The following CORO2B variants were observed in gnomAD, a reference collection of about 807,000 sequenced individuals.
CORO2B encodes the protein coronin-2B.
A neutral mutation model predicts 58.8 loss-of-function variants in CORO2B; 26 were observed. The ratio of observed to expected loss-of-function variants is 0.44; its 90% confidence interval spans 0.32 to 0.61. CORO2B has a LOEUF of 0.61. Among genes scored for constraint, CORO2B ranks in the 20% least tolerant of loss-of-function variants. The probability of loss-of-function intolerance (pLI) is 0.04; values close to 1 mark genes in which losing one functional copy is unlikely to be tolerated. For missense variants in CORO2B, 460 were observed against 645.1 expected (o/e 0.71, Z 3.11); for synonymous variants, 242 against 253.8 (o/e 0.95, Z 0.44).
chr15:68,608,152 T>G (rs1045111962), intron 1 of CORO2B, among the ~76,000 whole-genome samples: 1 of 152,248 alleles, frequency 6.6e-6, no homozygotes, highest in African/African-American at 2.4e-5. Flanking sequence ...TTTCCTTCCC[T>G]TGCACTTAGG....
rs374520985 is a variant in CORO2B at position 68,710,712 on chromosome 15, A to G, written c.334-20A>G. 1 of 1,576,890 alleles carries G rather than the reference A, an allele frequency of 6.3e-7. No individual in the cohort carries two copies. Among genetic ancestry groups the G allele is most frequent in the East Asian group, 2.3e-5 (1 of 43,788 alleles). ...TCTTGGCCGTGTCCACCCAGCCTGG[A>G]CCCTCATCTCCCTCTGCAGGTGCGG... On this transcript the variant is annotated intron_variant, in intron 3 of 11. Coordinates refer to ENST00000261861, the MANE Select transcript of CORO2B (RefSeq NM_006091.5). The surrounding 1 kb of genome is among the most constrained non-coding windows in gnomAD (Gnocchi z 4.1).
chr15:68,558,425 T>G, the CORO2B span, among the ~76,000 whole-genome samples: 2 of 151,990 alleles, frequency 1.3e-5, no homozygotes, highest in Admixed American at 1.3e-4. Flanking sequence ...TGGAGTGCAG[T>G]GGCACAATCA....
chr15:68,547,773 C>T, the CORO2B span, among the ~76,000 whole-genome samples: 54 of 152,224 alleles, frequency 3.5e-4, no homozygotes, highest in Non-Finnish European at 5.6e-4. Flanking sequence ...TTAAAAATTA[C>T]TTTACATACA....
At chr15:68,708,203 TGG>T (rs1892826671) in intron 3 of CORO2B, among the ~76,000 whole-genome samples, 1 of 152,024 alleles carries the variant, frequency 6.6e-6, no homozygotes, top group Non-Finnish European at 1.5e-5. Context: ...GCTGGCTCTG[TGG>T]GGGGAACACA....
At chr15:68,633,574 A>C (rs1900928244) in intron 1 of CORO2B, among the ~76,000 whole-genome samples, 1 of 151,068 alleles carries the variant, frequency 6.6e-6, no homozygotes, top group Non-Finnish European at 1.5e-5. Context: ...CACAGGGTGG[A>C]CAGTGCAAAG....
chr15:68,545,617 G>A, the CORO2B span, among the ~76,000 whole-genome samples: 6 of 151,414 alleles, frequency 4.0e-5, no homozygotes, highest in African/African-American at 1.2e-4. Context: ...GGGGGCGGGG[G>A]GGGTAATACT....
At chr15:68,637,571 A>G (rs1320315220) in intron 1 of CORO2B, among the ~76,000 whole-genome samples, 3 of 152,180 alleles carry the variant, frequency 2.0e-5, no homozygotes, top group Non-Finnish European at 2.9e-5. Flanking sequence ...AGAAGAGGAC[A>G]CTGAGCCTGG....
At chr15:68,644,833 C>T (rs1291201168) in intron 1 of CORO2B, among the ~76,000 whole-genome samples, 3 of 152,190 alleles carry the variant, frequency 2.0e-5, no homozygotes, top group Admixed American at 1.3e-4. Flanking sequence ...TCTTGCTTCG[C>T]TCTATCACAT....
At chr15:68,641,624 G>A (rs973598630) in intron 1 of CORO2B, 2 of 984,158 alleles carry the variant, frequency 2.0e-6, no homozygotes, top group South Asian at 4.7e-5. Flanking sequence ...GCTCAGGAGA[G>A]CCTATCAGGT....
intron 3 of CORO2B, among the ~76,000 whole-genome samples, chr15:68,697,411 C>T (rs894364244): frequency 6.6e-6 from 1 of 152,186 alleles, no homozygotes; most frequent in Admixed American, 6.5e-5. Context: ...TATAGTCCAT[C>T]TAATCAGTTA....
At chr15:68,566,560 A>T in the CORO2B span, among the ~76,000 whole-genome samples, 1 of 151,658 alleles carries the variant, frequency 6.6e-6, no homozygotes, top group Non-Finnish European at 1.5e-5. Flanking sequence ...TACCCGGCGG[A>T]CTCTTCATGG....
chr15:68,568,019 A>G, the CORO2B span, among the ~76,000 whole-genome samples: 5 of 152,154 alleles, frequency 3.3e-5, no homozygotes, highest in Non-Finnish European at 5.9e-5. Context: ...AGTCCATCTC[A>G]AAAAGAAAAG....
Position 68,710,722 on chromosome 15 carries a change from C to T in CORO2B, c.334-10C>T. On this transcript the variant is annotated splice_polypyrimidine_tract_variant and intron_variant, in intron 3 of 11. Transcript: ENST00000261861. This position sits in a 1 kb window ranked among gnomAD's most constrained non-coding sequence, Gnocchi z 4.1. ...GTCCACCCAGCCTGGACCCTCATCT[C>T]CCTCTGCAGGTGCGGATCTGGGAGA... The T allele has an allele frequency of 6.3e-7, 1 of 1,593,398 alleles. No homozygotes were observed. The highest frequency in any genetic ancestry group is 8.6e-7 in the Non-Finnish European group (1 of 1,168,610).
chr15:68,702,704 G>A (rs2140319687), intron 3 of CORO2B, among the ~76,000 whole-genome samples: 1 of 152,118 alleles, frequency 6.6e-6, no homozygotes, highest in Admixed American at 6.5e-5. Flanking sequence ...CTTGGACCCA[G>A]GCACCATCTC....
chr15:68,552,069 G>A, the CORO2B span, among the ~76,000 whole-genome samples: 2 of 152,138 alleles, frequency 1.3e-5, no homozygotes, highest in Admixed American at 6.5e-5. Flanking sequence ...TCCCCAAAGT[G>A]TCCTCTCACA....
chr15:68,714,086 C>A, intron 6 of CORO2B, 45 bp downstream of exon 6: 1 of 1,328,326 alleles, frequency 7.5e-7, no homozygotes, highest in Non-Finnish European at 1.1e-6. Context: ...AAGGAAGCAT[C>A]GTTGCCTCGG....
the CORO2B span, among the ~76,000 whole-genome samples, chr15:68,573,135 G>A: frequency 6.6e-6 from 1 of 152,058 alleles, no homozygotes; most frequent in African/African-American, 2.4e-5. Flanking sequence ...GTGTTCAGGT[G>A]GCTCCCTCAG....
At chr15:68,663,491 C>T (rs1902080639) in intron 2 of CORO2B, among the ~76,000 whole-genome samples, 1 of 152,186 alleles carries the variant, frequency 6.6e-6, no homozygotes, top group African/African-American at 2.4e-5. Flanking sequence ...CGCGCACACA[C>T]ACGCAGAAGA....
At chr15:68,537,698 C>T in the CORO2B span, among the ~76,000 whole-genome samples, 3 of 152,140 alleles carry the variant, frequency 2.0e-5, no homozygotes, top group African/African-American at 4.8e-5. Flanking sequence ...CCTGTGCCCA[C>T]GTGTTCACAT....
Sources: gnomAD v4.1 joint callset for allele counts (sites outside exome capture counted in the v4.1 genomes callset) on GRCh38, gnomAD v4.1.1 for gene constraint, Gnocchi (gnomAD v3.1) non-coding constraint, MANE v1.5 for transcripts, NCBI Gene and HGNC (gene_info 2026-07-23, HGNC 2026-07-21) for gene names.